CACNA2D3: variants seen among roughly 807,000 people sequenced by gnomAD.
The protein encoded by CACNA2D3 is calcium voltage-gated channel auxiliary subunit alpha2delta 3.
In CACNA2D3, 60 loss-of-function variants were observed where a neutral mutation model predicts 160.6. That is an observed-to-expected ratio of 0.37 (90% CI 0.30 to 0.46). The LOEUF (loss-of-function observed/expected upper bound fraction) is 0.46. Ranked by LOEUF, CACNA2D3 falls within the 20% of genes least tolerant of loss-of-function variation. CACNA2D3 has a pLI of 1.00. For missense variants in CACNA2D3, 1,205 were observed against 1,365.0 expected (o/e 0.88, Z 1.85); for synonymous variants, 558 against 492.9 (o/e 1.13, Z -1.75).
chr3:54,289,672 A>G (rs939951819), intron 2 of CACNA2D3, among the ~76,000 whole-genome samples: 3 of 152,252 alleles, frequency 2.0e-5, no homozygotes, highest in African/African-American at 4.8e-5. Flanking sequence ...ACAAGGCTAC[A>G]GTAACCAAAA....
chr3:54,894,466 C>T (rs1357290578), intron 25 of CACNA2D3: 3 of 434,112 alleles, frequency 6.9e-6, no homozygotes, highest in East Asian at 1.4e-4. Context: ...GCCTGAATGT[C>T]ACTGCCTTAA....
intron 27 of CACNA2D3, among the ~76,000 whole-genome samples, chr3:54,905,142 T>G (rs1700425729): frequency 6.6e-6 from 1 of 152,194 alleles, no homozygotes; most frequent in African/African-American, 2.4e-5. Flanking sequence ...ATTATAAAAT[T>G]CAATGAATTT....
At chr3:54,271,845 G>T (rs796155779) in intron 2 of CACNA2D3, among the ~76,000 whole-genome samples, 3 of 152,280 alleles carry the variant, frequency 2.0e-5, no homozygotes, top group African/African-American at 7.2e-5. Flanking sequence ...CTTTGATTTT[G>T]TCTCGGAGAA....
intron 13 of CACNA2D3, among the ~76,000 whole-genome samples, chr3:54,810,881 C>T (rs535455742): frequency 3.3e-5 from 5 of 152,152 alleles, no homozygotes; most frequent in Admixed American, 6.5e-5. Context: ...TCCCTCTGCT[C>T]GGTGGGTATT....
intron 11 of CACNA2D3, among the ~76,000 whole-genome samples, chr3:54,691,339 G>C (rs1034382904): frequency 9.9e-5 from 15 of 152,180 alleles, no homozygotes; most frequent in Admixed American, 6.5e-5. Context: ...CAGCAGCCAG[G>C]CTCTTTGCTA....
At position 54,832,736 on chromosome 3, in the gene CACNA2D3, G is replaced by A. The variant is rs1194525452; in HGVS notation, c.1399-4423G>A. ...AGCTAGTTCTTCCTCTGCCATGTTA[G>A]CTTTTCTTTCTCCCTTAGCAGACTT... On this transcript the variant is annotated intron_variant, in intron 14 of 37. Transcript: ENST00000474759. Among the ~76,000 whole-genome samples the A allele has an allele frequency of 3.3e-5, 5 of 152,318 alleles. No homozygotes were observed. In the East Asian group the frequency reaches 9.6e-4, roughly 29 times the overall value.
At chr3:54,297,842 A>C (rs1057048686) in intron 2 of CACNA2D3, among the ~76,000 whole-genome samples, 23 of 152,124 alleles carry the variant, frequency 1.5e-4, no homozygotes, top group Non-Finnish European at 5.9e-5. Flanking sequence ...TGCCTGGTGC[A>C]TGGGGGCTAT....
intron 3 of CACNA2D3, among the ~76,000 whole-genome samples, chr3:54,374,546 G>T (rs947325442): frequency 6.6e-6 from 1 of 152,172 alleles, no homozygotes; most frequent in African/African-American, 2.4e-5. Context: ...TTCTGTGCTT[G>T]TATTGCCTGG....
intron 21 of CACNA2D3, among the ~76,000 whole-genome samples, chr3:54,883,806 T>TCA (rs1196067358): frequency 5.1e-4 from 64 of 125,254 alleles, no homozygotes; most frequent in Non-Finnish European, 8.2e-4. Flanking sequence ...GGAATCTCTC[T>TCA]CTCTCTCTCT....
At chr3:55,030,162 C>T (rs533365201) in intron 35 of CACNA2D3, among the ~76,000 whole-genome samples, 1 of 152,094 alleles carries the variant, frequency 6.6e-6, no homozygotes, top group Non-Finnish European at 1.5e-5. Context: ...CAAAATAGTT[C>T]CTGTCTCAAT....
chr3:54,461,208 G>A lies in CACNA2D3; in HGVS notation c.382-42284G>A, dbSNP rs554597997. Among the ~76,000 whole-genome samples, 8 of 152,178 alleles carry A rather than the reference G, an allele frequency of 5.3e-5. No individual in the cohort carries two copies. The South Asian group carries it at 1.5e-3, about 28-fold the overall frequency. On this transcript the variant is annotated intron_variant, in intron 4 of 37. Transcript: ENST00000474759. ...TTTGATTGAGGATTTTTGCATCAAT[G>A]TTCATCAAGGATATTGGTCTAAAAT...
intron 14 of CACNA2D3, among the ~76,000 whole-genome samples, chr3:54,820,629 G>A (rs1455524791): frequency 1.3e-5 from 2 of 152,094 alleles, no homozygotes; most frequent in African/African-American, 4.8e-5. Context: ...TACAGATGCA[G>A]CACTTTCAAG....
chr3:54,359,722 C>G (rs978663137), intron 3 of CACNA2D3, among the ~76,000 whole-genome samples: 3 of 152,222 alleles, frequency 2.0e-5, no homozygotes, highest in Admixed American at 1.3e-4. Flanking sequence ...GTAAAGGAAT[C>G]TGCTTAACTT....
At chr3:54,937,677 T>C (rs113652193) in intron 27 of CACNA2D3, among the ~76,000 whole-genome samples, 7 of 152,096 alleles carry the variant, frequency 4.6e-5, no homozygotes, top group Non-Finnish European at 7.4e-5. Flanking sequence ...ATGGATGTTA[T>C]AGCCAGGCTG....
At chr3:55,067,331 C>A (rs184397981) in intron 35 of CACNA2D3, among the ~76,000 whole-genome samples, 2 of 152,314 alleles carry the variant, frequency 1.3e-5, no homozygotes, top group East Asian at 3.9e-4. Context: ...GCAAAAGAAC[C>A]ACACTAGCCT....
chr3:54,701,247 G>A (rs1185580633), intron 11 of CACNA2D3, among the ~76,000 whole-genome samples: 1 of 152,186 alleles, frequency 6.6e-6, no homozygotes, highest in Non-Finnish European at 1.5e-5. Context: ...ATGTTTGAAA[G>A]TGGATCAGAA....
intron 18 of CACNA2D3, among the ~76,000 whole-genome samples, chr3:54,874,279 C>G (rs1168532296): frequency 6.6e-6 from 1 of 152,160 alleles, no homozygotes; most frequent in Non-Finnish European, 1.5e-5. Flanking sequence ...AGTTAGGCAT[C>G]AGGGCAGGAA....
At chr3:54,147,583 T>A (rs1700055886) in intron 2 of CACNA2D3, among the ~76,000 whole-genome samples, 1 of 152,246 alleles carries the variant, frequency 6.6e-6, no homozygotes, top group Non-Finnish European at 1.5e-5. Flanking sequence ...CCATACTCTG[T>A]GTGACCTTGG....
intron 5 of CACNA2D3, among the ~76,000 whole-genome samples, chr3:54,561,151 A>G (rs1423510792): frequency 2.6e-5 from 4 of 152,216 alleles, no homozygotes; most frequent in Admixed American, 2.6e-4. Context: ...CATTCAATCT[A>G]TGAATTGCTT....
Sources: gnomAD v4.1 joint callset for allele counts (sites outside exome capture counted in the v4.1 genomes callset) on GRCh38, gnomAD v4.1.1 for gene constraint, MANE v1.5 for transcripts, NCBI Gene and HGNC (gene_info 2026-07-23, HGNC 2026-07-21) for gene names.